The following AIG1 variants were observed in gnomAD, a reference collection of about 807,000 sequenced individuals.
AIG1 encodes androgen-induced gene 1 protein.
A neutral mutation model predicts 31.4 loss-of-function variants in AIG1; 23 were observed. That is an observed-to-expected ratio of 0.73 (90% CI 0.53 to 1.04). The LOEUF is 1.04. AIG1 is among the 50% of genes least tolerant of loss of function. AIG1 has a pLI of 0.00. For synonymous variants in AIG1, 100 were observed against 110.5 expected, an observed-to-expected ratio of 0.90 and a Z score of 0.60; for missense variants, 274 against 295.0, an observed-to-expected ratio of 0.93 and a Z score of 0.52.
intron 3 of AIG1, among the ~76,000 whole-genome samples, chr6:143,179,714 C>T (rs1303615530): frequency 6.6e-6 from 1 of 151,922 alleles, no homozygotes. Flanking sequence ...ATGAGTAAAT[C>T]GATGAATTAG....
At position 143,299,925 on chromosome 6, in the gene AIG1, T is replaced by C. The variant is rs1257564645; in HGVS notation, c.515+15700T>C. ...TTCTGAGTCAGTGTCAGGTGCCCCT[T>C]TCAAGTGGCACCCTCCATTCACCCC... is the stretch of plus-strand genomic sequence containing the variant. On this transcript the variant is annotated intron_variant, in intron 4 of 5. Transcript: ENST00000357847. The surrounding 1 kb of genome is among the most constrained non-coding windows in gnomAD (Gnocchi z 4.1). Among the ~76,000 whole-genome samples, 1 of 152,160 alleles carries C rather than the reference T, an allele frequency of 6.6e-6. No homozygotes were observed. The highest frequency in any genetic ancestry group is 1.5e-5 in the Non-Finnish European group (1 of 68,020).
chr6:143,074,803 G>A (rs1777591161), intron 1 of AIG1, among the ~76,000 whole-genome samples: 1 of 152,166 alleles, frequency 6.6e-6, no homozygotes, highest in South Asian at 2.1e-4. Context: ...CTCAGTTCAT[G>A]AGGAACATTT....
chr6:143,126,052 T>C (rs1782660279), intron 1 of AIG1, among the ~76,000 whole-genome samples: 1 of 152,198 alleles, frequency 6.6e-6, no homozygotes, highest in Non-Finnish European at 1.5e-5. Flanking sequence ...GAAGTTTCCT[T>C]GAAAAAGCTT....
intron 3 of AIG1, among the ~76,000 whole-genome samples, chr6:143,196,191 A>G (rs1006222319): frequency 1.3e-5 from 2 of 152,216 alleles, no homozygotes; most frequent in African/African-American, 2.4e-5. Flanking sequence ...CTGAATGGTA[A>G]TCTGTAAATA....
chr6:143,090,284 T>G (rs1295597542), intron 1 of AIG1, among the ~76,000 whole-genome samples: 1 of 147,120 alleles, frequency 6.8e-6, no homozygotes, highest in Admixed American at 6.6e-5. Context: ...CATCTATCTA[T>G]CTATCTGTCT....
intron 3 of AIG1, among the ~76,000 whole-genome samples, chr6:143,259,863 C>T (rs1312746434): frequency 6.6e-6 from 1 of 152,088 alleles, no homozygotes; most frequent in Non-Finnish European, 1.5e-5. Flanking sequence ...TAGTTTTGGA[C>T]TTACTGCATT....
chr6:143,266,036 T>C (rs1421309449), intron 3 of AIG1, among the ~76,000 whole-genome samples: 2 of 152,142 alleles, frequency 1.3e-5, no homozygotes, highest in Non-Finnish European at 2.9e-5. Flanking sequence ...CAGGCGATGA[T>C]TTGAAGGGCA....
Position 143,293,208 on chromosome 6 carries a change from C to T in AIG1, c.515+8983C>T, listed in dbSNP as rs138620765. Among the ~76,000 whole-genome samples, 1 of 152,128 alleles carries T rather than the reference C, an allele frequency of 6.6e-6. No individual in the cohort carries two copies. Among genetic ancestry groups the T allele is most frequent in the Non-Finnish European group, 1.5e-5 (1 of 68,024 alleles). Reference sequence around the variant, plus strand: ...GCTCATTTTCTTTTTTTCTCTCTCTCTCTTCCCCGCCACCCTTATTTTATT... The same window carrying T: ...GCTCATTTTCTTTTTTTCTCTCTCTTTCTTCCCCGCCACCCTTATTTTATT... On this transcript the variant is annotated intron_variant, in intron 4 of 5. Transcript: ENST00000357847. This position sits in a 1 kb window ranked among gnomAD's most constrained non-coding sequence, Gnocchi z 4.8.
At chr6:143,095,918 T>TC (rs1420566565) in intron 1 of AIG1, among the ~76,000 whole-genome samples, 1 of 142,944 alleles carries the variant, frequency 7.0e-6, no homozygotes, top group African/African-American at 2.6e-5. Context: ...TTTTTTTTTT[T>TC]TTTTTTTGAG....
chr6:143,107,518 T>TG (rs1780909112), intron 1 of AIG1, among the ~76,000 whole-genome samples: 1 of 152,040 alleles, frequency 6.6e-6, no homozygotes, highest in Admixed American at 6.6e-5. Flanking sequence ...TCCTTAAAAG[T>TG]AAACTAGAAT....
At chr6:143,305,236 C>T (rs575861837) in intron 4 of AIG1, among the ~76,000 whole-genome samples, 3 of 152,204 alleles carry the variant, frequency 2.0e-5, no homozygotes, top group African/African-American at 7.2e-5. Context: ...TTCAGTTTTG[C>T]TGTGATTTTA....
rs1364713139 is a variant in AIG1, at chr6:143,171,431, A to AAT, written c.399+6258_399+6259dup. On this transcript the variant is annotated intron_variant, in intron 3 of 5. Transcript: ENST00000357847. ...GTGTGTATATATATATAATATATAT[A>AAT]ATATATATATAATATATATATTTAA... Among the ~76,000 whole-genome samples, 73 of 94,800 alleles carry AAT rather than the reference A, an allele frequency of 7.7e-4. 1 individual carries two copies. Among genetic ancestry groups the AAT allele is most frequent in the African/African-American group, 3.0e-3 (68 of 22,520 alleles). The allele number at this position is 94,800 out of a possible 152,430, so 62.2% of individuals were successfully genotyped here.
At position 143,122,958 on chromosome 6, in the gene AIG1, C is replaced by T. The variant is rs74973287; in HGVS notation, c.142-13877C>T. Among the ~76,000 whole-genome samples, 95 of 152,292 alleles carry T rather than the reference C, an allele frequency of 6.2e-4. No individual in the cohort carries two copies. In the East Asian group the frequency reaches 0.01, roughly 16 times the overall value. ...CTAATTATTCATCTCCTGATACCCT[C>T]AGTGCCCCAGTGTCTTGTTGAGCTT... is the stretch of plus-strand genomic sequence containing the variant. On this transcript the variant is annotated intron_variant, in intron 1 of 5. Transcript: ENST00000357847.
intron 3 of AIG1, among the ~76,000 whole-genome samples, chr6:143,201,245 G>C (rs1790676095): frequency 6.6e-6 from 1 of 152,012 alleles, no homozygotes; most frequent in South Asian, 2.1e-4. Context: ...TGTAGTCCCA[G>C]CTATTTGGGA....
chr6:143,122,188 CAT>C (rs1227690401), intron 1 of AIG1, among the ~76,000 whole-genome samples: 2 of 152,026 alleles, frequency 1.3e-5, no homozygotes, highest in South Asian at 2.1e-4. Flanking sequence ...GAAAAAGAAA[CAT>C]ATATTTTTAT....
At chr6:143,221,388 A>C (rs1312332567) in intron 3 of AIG1, among the ~76,000 whole-genome samples, 3 of 151,764 alleles carry the variant, frequency 2.0e-5, no homozygotes, top group Non-Finnish European at 4.4e-5. Context: ...TCTGGCTTCA[A>C]CTTTTGGCTT....
intron 1 of AIG1, among the ~76,000 whole-genome samples, chr6:143,084,089 G>A (rs1778539390): frequency 6.6e-6 from 1 of 152,196 alleles, no homozygotes; most frequent in Non-Finnish European, 1.5e-5. Context: ...GGACAGGAGA[G>A]TAAGACTGAG....
intron 3 of AIG1, among the ~76,000 whole-genome samples, chr6:143,246,449 AC>A (rs1562522523): frequency 6.6e-6 from 1 of 152,128 alleles, no homozygotes; most frequent in Non-Finnish European, 1.5e-5. Context: ...AGACCCATTC[AC>A]TATCACAAGA....
intron 3 of AIG1, among the ~76,000 whole-genome samples, chr6:143,257,162 C>T (rs984053777): frequency 2.0e-5 from 3 of 152,200 alleles, no homozygotes; most frequent in Admixed American, 1.3e-4. Context: ...GCTGGCGCTC[C>T]CACTGCCTCC....
Sources: gnomAD v4.1 joint callset for allele counts (sites outside exome capture counted in the v4.1 genomes callset) on GRCh38, gnomAD v4.1.1 for gene constraint, Gnocchi (gnomAD v3.1) non-coding constraint, MANE v1.5 for transcripts, NCBI Gene and HGNC (gene_info 2026-07-23, HGNC 2026-07-21) for gene names.